Variants in BNC2 observed in about 807,000 individuals in gnomAD.
The protein encoded by BNC2 is basonuclin zinc finger protein 2.
A neutral mutation model predicts 76.3 loss-of-function variants in BNC2; 20 were observed. That is an observed-to-expected ratio of 0.26 (90% confidence interval 0.18 to 0.38). BNC2 has a LOEUF of 0.38. Among genes scored for constraint, BNC2 ranks in the 10% least tolerant of loss-of-function variants. The probability of loss-of-function intolerance (pLI) is 1.00; values close to 1 mark genes in which losing one functional copy is unlikely to be tolerated. For synonymous variants in BNC2, 582 were observed against 514.8 expected, an observed-to-expected ratio of 1.13 and a Z score of -1.77; for missense variants, 1,382 against 1,399.8, an observed-to-expected ratio of 0.99 and a Z score of 0.20.
At chr9:16,721,199 T>C (rs1824146873) in intron 3 of BNC2, among the ~76,000 whole-genome samples, 1 of 152,250 alleles carries the variant, frequency 6.6e-6, no homozygotes, top group East Asian at 1.9e-4. Flanking sequence ...CAGATTTTTT[T>C]CATCTTATTT....
chr9:16,685,333 A>G (rs1822942599), intron 3 of BNC2, among the ~76,000 whole-genome samples: 1 of 152,256 alleles, frequency 6.6e-6, no homozygotes, highest in Non-Finnish European at 1.5e-5. Context: ...TACAGTATGT[A>G]TATATGTCTT....
intron 1 of BNC2, among the ~76,000 whole-genome samples, chr9:16,759,161 A>G (rs1398810206): frequency 6.6e-6 from 1 of 152,220 alleles, no homozygotes; most frequent in African/African-American, 2.4e-5. Context: ...GCTGGCTATA[A>G]TCTCACACTT....
chr9:16,707,662 G>A (rs1823719334), intron 3 of BNC2, among the ~76,000 whole-genome samples: 1 of 152,128 alleles, frequency 6.6e-6, no homozygotes, highest in African/African-American at 2.4e-5. Context: ...TTATTTTTGA[G>A]ATGGAGTCTC....
intron 5 of BNC2, among the ~76,000 whole-genome samples, chr9:16,514,345 T>A (rs1279813421): frequency 6.6e-6 from 1 of 152,228 alleles, no homozygotes; most frequent in Admixed American, 6.5e-5. Flanking sequence ...CACCCCTGAC[T>A]GGTCTGAGTG....
intron 1 of BNC2, among the ~76,000 whole-genome samples, chr9:16,849,012 T>C (rs2136143558): frequency 6.6e-6 from 1 of 152,298 alleles, no homozygotes; most frequent in East Asian, 1.9e-4. Context: ...AATGTAAATA[T>C]TCCAAAATCT....
chr9:16,859,864 T>G (rs147975562), intron 1 of BNC2, among the ~76,000 whole-genome samples: 2 of 152,232 alleles, frequency 1.3e-5, no homozygotes, highest in Admixed American at 1.3e-4. Flanking sequence ...CTCACGCCTG[T>G]TATCCCAGCA....
chr9:16,537,663 A>C (rs1314390136), intron 5 of BNC2, among the ~76,000 whole-genome samples: 1 of 152,180 alleles, frequency 6.6e-6, no homozygotes, highest in African/African-American at 2.4e-5. Flanking sequence ...ATTTTAACAA[A>C]AGCCAAACCT....
intron 5 of BNC2, among the ~76,000 whole-genome samples, chr9:16,480,390 T>C (rs963166376): frequency 2.0e-5 from 3 of 152,226 alleles, no homozygotes; most frequent in African/African-American, 7.2e-5. Flanking sequence ...CTCCTCTGCC[T>C]GGGCTCCCAC....
chr9:16,539,921 G>A lies in BNC2; in HGVS notation c.669+12609C>T, dbSNP rs193079127. Among the ~76,000 whole-genome samples the A allele has an allele frequency of 1.5e-3, 224 of 151,668 alleles. 1 individual carries two copies. Among genetic ancestry groups the A allele is most frequent in the African/African-American group, 4.5e-3 (187 of 41,384 alleles). On this transcript the variant is annotated intron_variant, in intron 5 of 6. Coordinates refer to ENST00000380672, the MANE Select transcript of BNC2 (RefSeq NM_017637.6). ...ATTGGAATTTTGAAAAGGAATAGAGGATCATATTTTAAAGACTACACACTA... is the reference window on the plus strand; with the variant it reads ...ATTGGAATTTTGAAAAGGAATAGAGAATCATATTTTAAAGACTACACACTA...
intron 3 of BNC2, among the ~76,000 whole-genome samples, chr9:16,629,857 T>A (rs146237167): frequency 1.3e-5 from 2 of 152,338 alleles, no homozygotes; most frequent in East Asian, 3.9e-4. Context: ...TGCCTAGATG[T>A]TGATGGCTGC....
intron 3 of BNC2, among the ~76,000 whole-genome samples, chr9:16,588,253 A>G (rs1819827477): frequency 6.6e-6 from 1 of 152,234 alleles, no homozygotes; most frequent in South Asian, 2.1e-4. Flanking sequence ...AACTTTCCAC[A>G]TATTACATTT....
chr9:16,689,918 C>T (rs1823103933), intron 3 of BNC2, among the ~76,000 whole-genome samples: 1 of 152,184 alleles, frequency 6.6e-6, no homozygotes, highest in African/African-American at 2.4e-5. Flanking sequence ...AAGAAATAAA[C>T]AAATTATCCA....
At chr9:16,850,409 A>G (rs1264208069) in intron 1 of BNC2, among the ~76,000 whole-genome samples, 1 of 152,252 alleles carries the variant, frequency 6.6e-6, no homozygotes, top group Admixed American at 6.5e-5. Flanking sequence ...AAGAAGCTCC[A>G]TAACTAGTGG....
chr9:16,790,817 C>CTT (rs372342400), intron 1 of BNC2, among the ~76,000 whole-genome samples: 100,771 of 128,712 alleles, frequency 0.78, 41,154 homozygotes, highest in Non-Finnish European at 0.9. Flanking sequence ...CCTTGGTAAG[C>CTT]TTTTTTTTTT....
At chr9:16,572,009 T>G (rs946363651) in intron 4 of BNC2, among the ~76,000 whole-genome samples, 1 of 152,164 alleles carries the variant, frequency 6.6e-6, no homozygotes, top group African/African-American at 2.4e-5. Flanking sequence ...TGTTTTCTTT[T>G]ATGTTAGAGG....
chr9:16,733,594 C>G (rs1824576258), intron 2 of BNC2, among the ~76,000 whole-genome samples: 1 of 152,098 alleles, frequency 6.6e-6, no homozygotes, highest in South Asian at 2.1e-4. Context: ...AAATATTACT[C>G]TACTATGCTT....
chr9:16,744,407 T>C (rs1224554250), intron 1 of BNC2, among the ~76,000 whole-genome samples: 4 of 152,216 alleles, frequency 2.6e-5, no homozygotes. Context: ...TGAATGCTAA[T>C]GTAAAAATAT....
At chr9:16,844,709 G>A (rs1316448282) in intron 1 of BNC2, among the ~76,000 whole-genome samples, 1 of 152,092 alleles carries the variant, frequency 6.6e-6, no homozygotes, top group African/African-American at 2.4e-5. Context: ...ATGTTGGCCA[G>A]GCTGGTCTCG....
intron 3 of BNC2, among the ~76,000 whole-genome samples, chr9:16,693,314 G>A (rs1287087908): frequency 2.0e-5 from 3 of 152,122 alleles, no homozygotes; most frequent in Non-Finnish European, 2.9e-5. Flanking sequence ...CAGAGAACGT[G>A]CATGAATAAA....
Sources: allele counts gnomAD v4.1 joint callset (sites outside exome capture counted in the v4.1 genomes callset), GRCh38; gene constraint gnomAD v4.1.1; transcripts MANE v1.5; gene names NCBI Gene and HGNC (gene_info 2026-07-23, HGNC 2026-07-21).